Variants in PACSIN2 observed in about 807,000 individuals in gnomAD.
PACSIN2 encodes the protein protein kinase C and casein kinase substrate in neurons protein 2.
Under a neutral mutation model 63.8 loss-of-function variants are expected in PACSIN2, and 25 were observed. That is an observed-to-expected ratio of 0.39 (90% confidence interval 0.29 to 0.55). PACSIN2 has a LOEUF of 0.55. Ranked by LOEUF, PACSIN2 falls within the 20% of genes least tolerant of loss-of-function variation. PACSIN2 has a pLI of 0.62. For missense variants in PACSIN2, 518 were observed against 646.9 expected, an observed-to-expected ratio of 0.80 and a Z score of 2.16; for synonymous variants, 255 against 256.2, an observed-to-expected ratio of 1.00 and a Z score of 0.05.
chr22:42,897,271 A>G (rs987939567), intron 2 of PACSIN2, among the ~76,000 whole-genome samples: 8 of 152,180 alleles, frequency 5.3e-5, no homozygotes, highest in African/African-American at 1.9e-4. Context: ...AAAAAATCAA[A>G]CGTATAATAA....
At chr22:42,985,096 A>T (rs903213424) in intron 1 of PACSIN2, among the ~76,000 whole-genome samples, 3 of 152,198 alleles carry the variant, frequency 2.0e-5, no homozygotes, top group African/African-American at 7.2e-5. Flanking sequence ...TGGGAGGCCA[A>T]GGTGAGAGGA....
chr22:42,874,852 CTTTTT>C (rs777530387), intron 10 of PACSIN2, among the ~76,000 whole-genome samples: 1 of 128,212 alleles, frequency 7.8e-6, no homozygotes, highest in African/African-American at 2.9e-5. Flanking sequence ...TGGGCATCCG[CTTTTT>C]TTTTTTTTTT....
chr22:42,934,250 A>C (rs945018919), intron 1 of PACSIN2, among the ~76,000 whole-genome samples: 2 of 152,252 alleles, frequency 1.3e-5, no homozygotes, highest in Non-Finnish European at 2.9e-5. Flanking sequence ...CATATAACCG[A>C]GGCCCAGAGT....
At chr22:42,880,451 C>T (rs1484796268) in intron 7 of PACSIN2, among the ~76,000 whole-genome samples, 1 of 152,156 alleles carries the variant, frequency 6.6e-6, no homozygotes, top group Non-Finnish European at 1.5e-5. Flanking sequence ...GGATCAACAC[C>T]AAGCCGGCAC....
intron 1 of PACSIN2, chr22:42,993,740 A>G (rs1004661040): frequency 1.3e-5 from 2 of 152,062 alleles, no homozygotes; most frequent in Non-Finnish European, 2.9e-5. Context: ...GCCGAAGGAC[A>G]CTCTCCGGGT....
At chr22:42,935,536 T>C (rs1932892368) in intron 1 of PACSIN2, among the ~76,000 whole-genome samples, 1 of 152,304 alleles carries the variant, frequency 6.6e-6, no homozygotes, top group African/African-American at 2.4e-5. Flanking sequence ...TAACTGTACT[T>C]AGGCAACACT....
chr22:42,916,712 A>G (rs1051753806), intron 1 of PACSIN2, among the ~76,000 whole-genome samples: 1 of 151,968 alleles, frequency 6.6e-6, no homozygotes, highest in Non-Finnish European at 1.5e-5. Context: ...ATGACTTCAA[A>G]CGGCATCCAT....
At chr22:42,971,670 A>T (rs1463609553) in intron 1 of PACSIN2, among the ~76,000 whole-genome samples, 1 of 148,384 alleles carries the variant, frequency 6.7e-6, no homozygotes, top group Admixed American at 6.7e-5. Flanking sequence ...CCATCGTCTG[A>T]GAAGTGAGGA....
intron 1 of PACSIN2, among the ~76,000 whole-genome samples, chr22:42,939,245 T>C (rs1254822681): frequency 6.6e-6 from 1 of 152,224 alleles, no homozygotes; most frequent in Non-Finnish European, 1.5e-5. Flanking sequence ...TTTACAGCAA[T>C]ATTTTTTTAG....
intron 1 of PACSIN2, among the ~76,000 whole-genome samples, chr22:42,913,201 C>T (rs1002179835): frequency 6.6e-6 from 1 of 152,160 alleles, no homozygotes; most frequent in South Asian, 2.1e-4. Flanking sequence ...GACAATAGGC[C>T]GGGCACAGTG....
intron 1 of PACSIN2, among the ~76,000 whole-genome samples, chr22:42,934,019 A>G (rs1444018044): frequency 6.6e-6 from 1 of 152,188 alleles, no homozygotes; most frequent in Non-Finnish European, 1.5e-5. Context: ...CTCCTCAAAT[A>G]CTTACAAGAA....
At chr22:42,925,023 C>T (rs1412452417) in intron 1 of PACSIN2, among the ~76,000 whole-genome samples, 4 of 151,750 alleles carry the variant, frequency 2.6e-5, no homozygotes, top group African/African-American at 7.3e-5. Context: ...GGATCACAGG[C>T]GTGAGCCACT....
Position 42,879,173 on chromosome 22 carries a change from G to A in PACSIN2, c.907-4C>T, listed in dbSNP as rs1169102359. 3.1e-6 allele frequency: 5 copies of A among 1,612,472 alleles called. No homozygotes were observed. In the African/African-American group the frequency reaches 5.3e-5, roughly 17 times the overall value. On this transcript the variant is annotated splice_region_variant and splice_polypyrimidine_tract_variant and intron_variant, in intron 7 of 10. Transcript: ENST00000263246. The stretch of plus-strand genomic sequence containing the variant: ...GATTCAGGTCTGCGGACCACTCCTA[G>A]GCAACAGGTGCCGAGGGAGAGAAAC...
intron 1 of PACSIN2, among the ~76,000 whole-genome samples, chr22:42,954,287 G>A (rs915655544): frequency 6.6e-6 from 1 of 152,198 alleles, no homozygotes; most frequent in Non-Finnish European, 1.5e-5. Context: ...CATAAAGGAA[G>A]GTTCCCTTGG....
At chr22:42,875,950 G>A (rs1272245847) in intron 10 of PACSIN2, among the ~76,000 whole-genome samples, 187 bp downstream of exon 10, 1 of 152,218 alleles carries the variant, frequency 6.6e-6, no homozygotes, top group Non-Finnish European at 1.5e-5. Flanking sequence ...TGGGACTATA[G>A]GCATGAGCCA....
At chr22:42,932,279 T>TC (rs1932795116) in intron 1 of PACSIN2, among the ~76,000 whole-genome samples, 1 of 152,016 alleles carries the variant, frequency 6.6e-6, no homozygotes. Flanking sequence ...TATGGCCGGC[T>TC]CCCCCTCACA....
rs374039568 is a variant in PACSIN2 at position 42,914,494 on chromosome 22, C to T, written c.-77-2337G>A. On this transcript the variant is annotated intron_variant, in intron 1 of 10. Transcript: ENST00000263246. ...AAGTGATCCACCCACCTTGCCCTCC[C>T]GAAGTGCTGGGATTACAGGTGTGAG... Among the ~76,000 whole-genome samples the T allele has an allele frequency of 2.2e-4, 34 of 152,334 alleles. 1 individual carries two copies. In the South Asian group the frequency reaches 5.0e-3, roughly 22 times the overall value.
intron 1 of PACSIN2, among the ~76,000 whole-genome samples, chr22:42,980,413 C>T (rs1373451589): frequency 6.6e-6 from 1 of 151,820 alleles, no homozygotes; most frequent in South Asian, 2.1e-4. Flanking sequence ...GATCACACCA[C>T]GACACTCCAG....
intron 1 of PACSIN2, among the ~76,000 whole-genome samples, chr22:42,969,208 T>C (rs1290314878): frequency 1.3e-5 from 2 of 152,224 alleles, no homozygotes; most frequent in African/African-American, 4.8e-5. Context: ...AATATGGAGA[T>C]AATTATAAAT....
Sources: gnomAD v4.1 joint callset for allele counts (sites outside exome capture counted in the v4.1 genomes callset) on GRCh38, gnomAD v4.1.1 for gene constraint, MANE v1.5 for transcripts, NCBI Gene and HGNC (gene_info 2026-07-23, HGNC 2026-07-21) for gene names.